The following AFF3 variants were observed in gnomAD, a reference collection of about 807,000 sequenced individuals.
AFF3 encodes AF4/FMR2 family member 3.
In AFF3, 32 loss-of-function variants were observed where a neutral mutation model predicts 129.7. The observed-to-expected ratio is 0.25, with a 90% CI of 0.19 to 0.33. The LOEUF (loss-of-function observed/expected upper bound fraction) is 0.33, where lower values mean the gene tolerates loss of function less well. Among genes scored for constraint, AFF3 ranks in the 10% least tolerant of loss-of-function variants. AFF3 has a pLI of 1.00. For missense variants in AFF3, 1,373 were observed against 1,592.0 expected, an observed-to-expected ratio of 0.86 and a Z score of 2.34; for synonymous variants, 644 against 635.4, an observed-to-expected ratio of 1.01 and a Z score of -0.20.
At chr2:99,905,681 T>C (rs895439942) in intron 7 of AFF3, among the ~76,000 whole-genome samples, 1 of 152,200 alleles carries the variant, frequency 6.6e-6, no homozygotes, top group African/African-American at 2.4e-5. Flanking sequence ...TTAATTTAAC[T>C]GTCTACTTAC....
intron 2 of AFF3, chr2:100,106,439 AAAAAAG>A: frequency 9.8e-7 from 1 of 1,020,170 alleles, no homozygotes; most frequent in Non-Finnish European, 1.2e-6. Context: ...GGAAAAAGAA[AAAAAAG>A]AAAAAGAAAA....
At position 99,815,786 on chromosome 2, in the gene AFF3, C is replaced by T. The variant is rs144853487; in HGVS notation, c.921+21691G>A. Among the ~76,000 whole-genome samples, 64 of 151,644 alleles carry T rather than the reference C, an allele frequency of 4.2e-4. No homozygotes were observed. In the East Asian group the frequency reaches 8.5e-3, roughly 20 times the overall value. On this transcript the variant is annotated intron_variant, in intron 8 of 24. Transcript: ENST00000672756. ...GCTTGTTAGTTTCTGACAAGAAGTC[C>T]GCTGTACTACTTATCCTGGTTCCTT...
intron 4 of AFF3, among the ~76,000 whole-genome samples, chr2:100,050,404 G>C (rs1195639708): frequency 6.6e-6 from 1 of 152,082 alleles, no homozygotes. Flanking sequence ...CTGAAGTCTT[G>C]ATCATAGCTC....
chr2:99,593,904 T>G lies in AFF3; in HGVS notation c.1757A>C (p.Lys586Thr), dbSNP rs1464623131. Reference sequence around the variant, plus strand: ...GGTCCTCTCGGTGCGCCTGGTGGGCTTCTTGCCCGCGGACCTCCGGGCAGG... The same window carrying G: ...GGTCCTCTCGGTGCGCCTGGTGGGCGTCTTGCCCGCGGACCTCCGGGCAGG... ...PAPARRSAGKKPTRRTERTSA... is the reference protein window; with the variant it reads ...PAPARRSAGKTPTRRTERTSA... Residue 586 changes from lysine to threonine, a missense_variant, in exon 15 of 25, where the codon AAG becomes ACG. Around this residue, in one of 9 missense-constraint regions of AFF3, gnomAD observed 466 missense variants for 505.0 expected, o/e 0.92. Coordinates refer to ENST00000672756, the MANE Select transcript of AFF3 (RefSeq NM_001386135.1). 1 of 1,455,586 alleles carries G rather than the reference T, an allele frequency of 6.9e-7. No homozygotes were observed. Among genetic ancestry groups the G allele is most frequent in the Non-Finnish European group, 9.0e-7 (1 of 1,110,254 alleles). The allele number at this position is 1,455,586 out of a possible 1,614,324, so 90.2% of individuals were successfully genotyped here. A position where few individuals can be genotyped will look rare whatever the true frequency, so the allele number is the denominator to read the frequency against.
At chr2:99,975,714 C>A (rs987373212) in intron 7 of AFF3, among the ~76,000 whole-genome samples, 1 of 149,566 alleles carries the variant, frequency 6.7e-6, no homozygotes. Flanking sequence ...GTGGACACAG[C>A]CCTTTTTGCC....
At chr2:99,725,183 C>A (rs929762024) in intron 11 of AFF3, among the ~76,000 whole-genome samples, 1 of 151,886 alleles carries the variant, frequency 6.6e-6, no homozygotes, top group Admixed American at 6.6e-5. Flanking sequence ...GCATGATGGT[C>A]AGGCTAGTTT....
At chr2:99,668,856 C>A (rs946420720) in intron 12 of AFF3, among the ~76,000 whole-genome samples, 2 of 152,150 alleles carry the variant, frequency 1.3e-5, no homozygotes, top group Non-Finnish European at 2.9e-5. Context: ...GCCACTGTGG[C>A]CGACCTAACA....
At chr2:99,710,070 T>C (rs903190098) in intron 11 of AFF3, among the ~76,000 whole-genome samples, 1 of 152,200 alleles carries the variant, frequency 6.6e-6, no homozygotes, top group Non-Finnish European at 1.5e-5. Flanking sequence ...TGGTTTCTTA[T>C]CTATACAATG....
intron 13 of AFF3, among the ~76,000 whole-genome samples, chr2:99,643,708 C>T (rs1684430689): frequency 2.0e-5 from 3 of 152,180 alleles, no homozygotes. Context: ...GAATCCAACC[C>T]CCTACACTGC....
intron 18 of AFF3, among the ~76,000 whole-genome samples, chr2:99,572,189 G>A (rs886778654): frequency 1.2e-4 from 18 of 151,842 alleles, no homozygotes; most frequent in Admixed American, 9.2e-4. Context: ...GAAAGCCAGA[G>A]CTTAGCTGCA....
At chr2:99,797,903 T>C (rs961282172) in intron 8 of AFF3, among the ~76,000 whole-genome samples, 1 of 151,980 alleles carries the variant, frequency 6.6e-6, no homozygotes. Flanking sequence ...CTATGGAAAA[T>C]GTTAAAGGAA....
chr2:99,813,387 A>T (rs182572721), intron 8 of AFF3, among the ~76,000 whole-genome samples: 698 of 152,340 alleles, frequency 4.6e-3, no homozygotes, highest in Non-Finnish European at 7.9e-3. Flanking sequence ...AAGTAGTAGT[A>T]CTGGGAAGTC....
chr2:99,608,272 C>T (rs1233352791), intron 13 of AFF3, among the ~76,000 whole-genome samples: 3 of 152,176 alleles, frequency 2.0e-5, no homozygotes, highest in African/African-American at 7.2e-5. Context: ...ACTCCCTCTG[C>T]AGGACTGAGT....
At chr2:99,875,238 G>A (rs1692196326) in intron 7 of AFF3, among the ~76,000 whole-genome samples, 2 of 151,846 alleles carry the variant, frequency 1.3e-5, no homozygotes, top group African/African-American at 4.8e-5. Flanking sequence ...AGTGGGCCCC[G>A]ATCTGCCCCC....
At chr2:99,601,188 AAG>A (rs1679790075) in intron 14 of AFF3, among the ~76,000 whole-genome samples, 1 of 152,186 alleles carries the variant, frequency 6.6e-6, no homozygotes, top group African/African-American at 2.4e-5. Flanking sequence ...TCTGGAAGTC[AAG>A]AGAGAATCTG....
At chr2:99,564,337 C>T (rs376783225) in intron 20 of AFF3, among the ~76,000 whole-genome samples, 18 of 152,112 alleles carry the variant, frequency 1.2e-4, no homozygotes, top group African/African-American at 3.9e-4. Flanking sequence ...GGGCCTTGTT[C>T]TGAGGAAGGA....
At chr2:100,094,429 T>A (rs1237707556) in intron 4 of AFF3, among the ~76,000 whole-genome samples, 1 of 152,264 alleles carries the variant, frequency 6.6e-6, no homozygotes, top group Non-Finnish European at 1.5e-5. Context: ...CGGTTCACTA[T>A]AGGGTTCATG....
chr2:99,681,156 A>G (rs955061227), intron 11 of AFF3, among the ~76,000 whole-genome samples: 1 of 152,186 alleles, frequency 6.6e-6, no homozygotes, highest in African/African-American at 2.4e-5. Context: ...GACCCACTAT[A>G]TAACACAGAG....
At chr2:99,755,030 T>C (rs1468629512) in intron 8 of AFF3, among the ~76,000 whole-genome samples, 3 of 152,132 alleles carry the variant, frequency 2.0e-5, no homozygotes, top group Non-Finnish European at 4.4e-5. Flanking sequence ...AACTCACCTA[T>C]TCATTAATCC....
Sources: gnomAD v4.1 joint callset for allele counts (sites outside exome capture counted in the v4.1 genomes callset) on GRCh38, gnomAD v4.1.1 for gene constraint, gnomAD v4.1.1 regional missense constraint, MANE v1.5 for transcripts, NCBI Gene and HGNC (gene_info 2026-07-23, HGNC 2026-07-21) for gene names.